The following TOP2A variants were observed in gnomAD, a reference collection of about 807,000 sequenced individuals.
TOP2A encodes DNA topoisomerase 2-alpha.
Under a neutral mutation model 187.2 loss-of-function variants are expected in TOP2A, and 68 were observed. The ratio of observed to expected loss-of-function variants is 0.36; its 90% CI spans 0.30 to 0.44. The LOEUF (loss-of-function observed/expected upper bound fraction) is 0.44, where lower values mean the gene tolerates loss of function less well. TOP2A is among the 20% of genes least tolerant of loss of function. The probability of loss-of-function intolerance (pLI) is 1.00; values close to 1 mark genes in which losing one functional copy is unlikely to be tolerated. For synonymous variants in TOP2A, 542 were observed against 593.2 expected, an observed-to-expected ratio of 0.91 and a Z score of 1.25; for missense variants, 1,196 against 1,808.7, an observed-to-expected ratio of 0.66 and a Z score of 6.14.
chr17:40,399,360 A>G, intron 24 of TOP2A: 1 of 480,300 alleles, frequency 2.1e-6, no homozygotes, highest in East Asian at 3.8e-5. Flanking sequence ...TTTTGGAGAC[A>G]GGGTCTCTCT....
At position 40,389,441 on chromosome 17, in the gene TOP2A, G is replaced by T; in HGVS notation, c.*78C>A. 6.7e-7 allele frequency: 1 copy of T among 1,482,336 alleles called. No homozygotes were observed. 91.8% of individuals were successfully genotyped at this position (1,482,336 alleles called of 1,614,324 possible). On this transcript the variant is annotated 3_prime_UTR_variant, in exon 35 of 35. Transcript: ENST00000423485. ...TCCCCAAACTAAATTCAGAGGGGAG[G>T]AAGTTAAGAGCTTCAGGTAACTTTA...
chr17:40,391,996 A>T (rs1313910423), intron 32 of TOP2A, 72 bp downstream of exon 32: 5 of 1,492,782 alleles, frequency 3.3e-6, no homozygotes, highest in Non-Finnish European at 4.5e-6. Context: ...TAATGTAGCC[A>T]GGATTAGAAC....
intron 1 of TOP2A, 56 bp from the exon 2 acceptor site, chr17:40,416,951 T>A: frequency 6.9e-7 from 1 of 1,448,104 alleles, no homozygotes; most frequent in Non-Finnish European, 9.3e-7. Context: ...AAGTTTACCC[T>A]AAACTAGGAA....
In TOP2A at chr17:40,408,747, T is replaced by G. The variant is rs761613774; in HGVS notation, c.1204-117A>C. ...AAATGATTCAAAAATTAAAAAGATG[T>G]AGAACAATAATTTCTGGATAGAGGG... On this transcript the variant is annotated intron_variant, in intron 10 of 34. Transcript: ENST00000423485. 5.3e-6 allele frequency: 6 copies of G among 1,139,904 alleles called. No individual in the cohort carries two copies. The Admixed American group carries it at 9.6e-5, about 18-fold the overall frequency. The allele number at this position is 1,139,904 out of a possible 1,614,324, so 70.6% of individuals were successfully genotyped here.
chr17:40,416,534 ACT>A (rs1404645659), intron 2 of TOP2A, 22 bp from the exon 3 acceptor site: 1 of 1,529,448 alleles, frequency 6.5e-7, no homozygotes, highest in East Asian at 2.3e-5. Context: ...GCAAAGAAAT[ACT>A]GTTATTTTTA....
chr17:40,389,785 C>T (rs1050631577), intron 34 of TOP2A, 138 bp from the exon 35 acceptor site: 16 of 1,282,404 alleles, frequency 1.2e-5, no homozygotes, highest in Non-Finnish European at 1.6e-5. Flanking sequence ...CTAAGGCCAA[C>T]TCTTCCATTG....
Position 40,408,066 on chromosome 17 carries a change from A to T in TOP2A, c.1401T>A (p.Thr467=). 6.2e-7 allele frequency: 1 copy of T among 1,613,698 alleles called. No individual in the cohort carries two copies. The highest frequency in any genetic ancestry group is 8.5e-7 in the Non-Finnish European group (1 of 1,179,694). The change falls in exon 12 of 35, where the codon ACT becomes ACA. Residue 467 remains threonine, a synonymous_variant. Transcript: ENST00000423485. ...CCACACCAAGGCCTGAAACAGCCAA[A>T]GTTTTGGCTGAATCTCCCTCAGTCA... is the stretch of plus-strand genomic sequence containing the variant. ...LILTEGDSAK[T]LAVSGLGVVG...
intron 33 of TOP2A, among the ~76,000 whole-genome samples, chr17:40,390,972 A>G (rs1034305604): frequency 6.6e-6 from 1 of 152,084 alleles, no homozygotes; most frequent in Non-Finnish European, 1.5e-5. Flanking sequence ...AAACATTGCA[A>G]TTGCTTATAA....
At chr17:40,409,027 T>A (rs2035283034) in intron 10 of TOP2A, 2 of 359,418 alleles carry the variant, frequency 5.6e-6, no homozygotes, top group Non-Finnish European at 1.1e-5. Flanking sequence ...AAACCCCGGC[T>A]CTACTAAAAA....
At position 40,395,442 on chromosome 17, in the gene TOP2A, G is replaced by A. The variant is rs1310029637; in HGVS notation, c.3811+7C>T. The A allele has an allele frequency of 7.0e-6, 11 of 1,581,096 alleles. No individual in the cohort carries two copies. Among genetic ancestry groups the A allele is most frequent in the South Asian group, 2.3e-5 (2 of 88,818 alleles). On this transcript the variant is annotated splice_region_variant and intron_variant, in intron 29 of 34. Transcript: ENST00000423485. ...TTTATACCATTTTTCTAAAAATGTT[G>A]TAATACCTGGTTCTCTTTTCTGTTT...
In TOP2A at chr17:40,404,173, C is replaced by G. The variant is rs1452430795; in HGVS notation, c.2262G>C (p.Met754Ile). ...VAQLAGSVAE[M>I]SSYHHGEMSL... ...TTACCTCACCATGATGATAAGAAGA[C>G]ATTTCAGCCACTGATCCAGCTAATT... The change falls in exon 19 of 35, where the codon ATG becomes ATC. Residue 754 changes from methionine to isoleucine, a missense_variant. Physicochemically the swap from Met to Ile is conservative, Grantham distance 10 (BLOSUM62 1). Coordinates refer to ENST00000423485, the MANE Select transcript of TOP2A (RefSeq NM_001067.4). 2 of 1,613,752 alleles carry G rather than the reference C, an allele frequency of 1.2e-6. No homozygotes were observed. The highest frequency in any genetic ancestry group is 1.7e-4 in the Middle Eastern group (1 of 6,060).
Position 40,416,877 on chromosome 17 carries a change from G to C in TOP2A, c.40C>G (p.Gln14Glu). The C allele has an allele frequency of 6.3e-7, 1 of 1,598,336 alleles. No individual in the cohort carries two copies. Residue 14 changes from glutamine to glutamate, a missense_variant, in exon 2 of 35, where the codon CAA (glutamine) becomes GAA (glutamate). Gln to Glu is a conservative substitution (Grantham distance 29). Transcript: ENST00000423485. ...TCATTTTTCTTTATTTTGTTGACTT[G>C]CATATTTTCATTTACAGGCTAGCAA... ...SPLQPVNENM[Q>E]VNKIKKNEDA...
At chr17:40,415,519 A>G (rs2035379764) in intron 4 of TOP2A, among the ~76,000 whole-genome samples, 1 of 152,224 alleles carries the variant, frequency 6.6e-6, no homozygotes, top group Admixed American at 6.5e-5. Context: ...ATTATTCTCT[A>G]CCACCACCTA....
chr17:40,417,515 C>A, intron 1 of TOP2A: 1 of 1,414,456 alleles, frequency 7.1e-7, no homozygotes, highest in Non-Finnish European at 9.2e-7. Context: ...GGATCCACTA[C>A]GGGACCAACG....
At chr17:40,414,319 T>C (rs953131358) in intron 4 of TOP2A, among the ~76,000 whole-genome samples, 1 of 152,112 alleles carries the variant, frequency 6.6e-6, no homozygotes, top group Admixed American at 6.5e-5. Flanking sequence ...CACTTCAGCC[T>C]CCTGAATAGC....
Position 40,411,768 on chromosome 17 carries a change from A to T in TOP2A, c.840T>A (p.Asp280Glu). Residue 280 changes from aspartate to glutamate, a missense_variant, in exon 8 of 35, where the codon GAT (aspartate) becomes GAA (glutamate). Asp to Glu is a conservative substitution (Grantham distance 45, BLOSUM62 2). Transcript: ENST00000423485. The surrounding 1 kb of genome is among the most constrained non-coding windows in gnomAD (Gnocchi z 4.4). Reference sequence around the variant, plus strand: ...TTACTTTCAAGGAGTTACCAGTTTCATCCAACTTGTCCTTCAAATACATGT... The same window carrying T: ...TTACTTTCAAGGAGTTACCAGTTTCTTCCAACTTGTCCTTCAAATACATGT... Reference protein sequence around the residue: ...YVDMYLKDKLDETGNSLKVIH... With the variant: ...YVDMYLKDKLEETGNSLKVIH... 1.9e-6 allele frequency: 3 copies of T among 1,610,746 alleles called. No homozygotes were observed. The highest frequency in any genetic ancestry group is 1.3e-5 in the African/African-American group (1 of 74,870).
At chr17:40,401,474 C>T (rs1281571872) in intron 20 of TOP2A, among the ~76,000 whole-genome samples, 1 of 152,146 alleles carries the variant, frequency 6.6e-6, no homozygotes, top group Admixed American at 6.6e-5. Flanking sequence ...CTTTGGGAGG[C>T]TGAGGGAGGC....
rs1425275526 is a variant in TOP2A, at chr17:40,391,603, C to T, written c.4170G>A (p.Leu1390=). ...AATGTGTAGCAGGAGGGCTTGAAGA[C>T]AGTGGTACACTGCCCTTAACATCAT... ...EADDVKGSVP[L]SSSPPATHFP... The change falls in exon 33 of 35, where the codon CTG becomes CTA. Residue 1390 remains leucine (L), a synonymous_variant. Coordinates refer to ENST00000423485, the MANE Select transcript of TOP2A (RefSeq NM_001067.4). 1.2e-6 allele frequency: 2 copies of T among 1,611,420 alleles called. No homozygotes were observed. The highest frequency in any genetic ancestry group is 1.7e-5 in the Admixed American group (1 of 59,520).
chr17:40,417,639 G>A (rs2035408901), intron 1 of TOP2A, 132 bp downstream of exon 1: 1 of 1,535,920 alleles, frequency 6.5e-7, no homozygotes, highest in African/African-American at 1.4e-5. Context: ...CCGGAACCGG[G>A]AATGGAGAAT....
Sources: gnomAD v4.1 joint callset for allele counts (sites outside exome capture counted in the v4.1 genomes callset) on GRCh38, gnomAD v4.1.1 for gene constraint, Gnocchi (gnomAD v3.1) non-coding constraint, MANE v1.5 for transcripts, NCBI Gene and HGNC (gene_info 2026-07-23, HGNC 2026-07-21) for gene names.